RBM20: variants seen among roughly 807,000 people sequenced by gnomAD.
RBM20 encodes RNA-binding protein 20.
RBM20 carries 51 observed loss-of-function variants against 110.1 expected under a neutral mutation model. That is an observed-to-expected ratio of 0.46 (90% CI 0.37 to 0.59). The LOEUF is 0.59. Ranked by LOEUF, RBM20 falls within the 20% of genes least tolerant of loss-of-function variation. RBM20 has a pLI of 0.00. For missense variants in RBM20, 1,512 were observed against 1,574.9 expected (o/e 0.96, Z 0.68); for synonymous variants, 589 against 618.2 (o/e 0.95, Z 0.70).
At chr10:110,688,176 A>C (rs1057121808) in intron 1 of RBM20, among the ~76,000 whole-genome samples, 1 of 152,218 alleles carries the variant, frequency 6.6e-6, no homozygotes, top group African/African-American at 2.4e-5. Context: ...CCTTATCTGC[A>C]GTTTTGAAAT....
intron 1 of RBM20, among the ~76,000 whole-genome samples, chr10:110,775,409 G>A (rs557292414): frequency 6.6e-6 from 1 of 152,160 alleles, no homozygotes; most frequent in African/African-American, 2.4e-5. Context: ...TGTGGTTCTT[G>A]GCTCCTGCTT....
intron 1 of RBM20, among the ~76,000 whole-genome samples, chr10:110,763,244 C>T (rs540518696): frequency 6.6e-5 from 10 of 152,066 alleles, no homozygotes; most frequent in East Asian, 3.9e-4. Context: ...CGTCACACAC[C>T]GGGTCTGAAT....
At position 110,821,291 on chromosome 10, in the gene RBM20, G is replaced by A. The variant is rs1212672627; in HGVS notation, c.2672G>A (p.Ser891Asn). 2.6e-6 allele frequency: 4 copies of A among 1,551,232 alleles called. No homozygotes were observed. The highest frequency in any genetic ancestry group is 2.0e-5 in the Admixed American group (1 of 50,972). The change falls in exon 11 of 14, where the codon AGT becomes AAT. Residue 891 changes from serine to asparagine, a missense_variant. Physicochemically the swap from Ser to Asn is conservative, Grantham distance 46. Coordinates refer to ENST00000369519, the MANE Select transcript of RBM20 (RefSeq NM_001134363.3). ...TRTKKEQDWE[S>N]ESEAEGESWY... Reference sequence around the variant, plus strand: ...TTTGTACAGGAACAAGATTGGGAGAGTGAAAGTGAGGCAGAGGGGGAGAGC... The same window carrying A: ...TTTGTACAGGAACAAGATTGGGAGAATGAAAGTGAGGCAGAGGGGGAGAGC...
At chr10:110,796,330 T>C (rs887593550) in intron 5 of RBM20, among the ~76,000 whole-genome samples, 1 of 152,248 alleles carries the variant, frequency 6.6e-6, no homozygotes, top group African/African-American at 2.4e-5. Context: ...TAGAGACCAG[T>C]ATAATTAATC....
intron 1 of RBM20, among the ~76,000 whole-genome samples, chr10:110,702,362 C>CCAAA (rs201786834): frequency 2.8e-4 from 42 of 152,052 alleles, no homozygotes; most frequent in Admixed American, 1.6e-3. Flanking sequence ...CCCATCTCTA[C>CCAAA]CAAACAAACA....
chr10:110,712,380 G>A (rs891688063), intron 1 of RBM20, among the ~76,000 whole-genome samples: 1 of 152,176 alleles, frequency 6.6e-6, no homozygotes, highest in Non-Finnish European at 1.5e-5. Context: ...AAAATTAAAA[G>A]CTACTGCAAT....
intron 1 of RBM20, among the ~76,000 whole-genome samples, chr10:110,697,931 T>G (rs1053349110): frequency 6.7e-6 from 1 of 150,044 alleles, no homozygotes; most frequent in Non-Finnish European, 1.5e-5. Context: ...TTTTTGAGAC[T>G]GAGTCTCACT....
chr10:110,763,751 C>CCTTTTTTTTTTTTTTTT (rs1554896903), intron 1 of RBM20, among the ~76,000 whole-genome samples: 2 of 64,380 alleles, frequency 3.1e-5, no homozygotes, highest in Non-Finnish European at 2.9e-5. Flanking sequence ...GGCTTCTTGG[C>CCTTTTTTTTTTTTTTTT]TTTTTTTTTT....
intron 1 of RBM20, among the ~76,000 whole-genome samples, chr10:110,696,707 C>A (rs1401020923): frequency 6.6e-6 from 1 of 152,060 alleles, no homozygotes; most frequent in African/African-American, 2.4e-5. Context: ...TGAGTGGCAG[C>A]AGGGTAAAGA....
chr10:110,662,959 GCTTT>G (rs199604281), intron 1 of RBM20, among the ~76,000 whole-genome samples: 2,443 of 151,782 alleles, frequency 0.016, 67 homozygotes, highest in African/African-American at 0.057. Context: ...CTCTCACCCT[GCTTT>G]CTTTCTTTCT....
chr10:110,729,408 C>A lies in RBM20; in HGVS notation c.192-51393C>A, dbSNP rs142600448. On this transcript the variant is annotated intron_variant, in intron 1 of 13. Coordinates refer to ENST00000369519, the MANE Select transcript of RBM20 (RefSeq NM_001134363.3). ...TAAACCTTGCACTTTTTTCAAATCC[C>A]AACAACTTTCCAACTCCAGGTGAGG... is the stretch of plus-strand genomic sequence containing the variant. 2.9e-3 allele frequency among the ~76,000 whole-genome samples: 438 copies of A among 152,276 alleles called. 6 individuals are homozygous for A. The highest frequency in any genetic ancestry group is 9.7e-3 in the African/African-American group (404 of 41,558).
At position 110,837,701 on chromosome 10, in the gene RBM20, G is replaced by A. The variant is rs770927031; in HGVS notation, c.*1723G>A. 2.2e-4 allele frequency: 33 copies of A among 152,344 alleles called. 1 individual carries two copies. The highest frequency in any genetic ancestry group is 5.2e-4 in the Admixed American group (8 of 15,288). The allele number at this position is 152,344 out of a possible 1,614,324, so 9.4% of individuals were successfully genotyped here. A position where few individuals can be genotyped will look rare whatever the true frequency, so the allele number is the denominator to read the frequency against. ...TATCAGGTAACTGAGGCACACAAAG[G>A]GAACAAATGAAGAACATAAAATGAT... On this transcript the variant is annotated 3_prime_UTR_variant, in exon 14 of 14. Coordinates refer to ENST00000369519, the MANE Select transcript of RBM20 (RefSeq NM_001134363.3).
intron 12 of RBM20, among the ~76,000 whole-genome samples, chr10:110,827,068 C>T (rs769066317): frequency 7.2e-5 from 11 of 152,092 alleles, no homozygotes; most frequent in African/African-American, 9.6e-5. Flanking sequence ...CATTGGTCCC[C>T]GAAGGAAGAG....
chr10:110,793,185 C>A (rs1338638809), intron 5 of RBM20, among the ~76,000 whole-genome samples: 1 of 152,204 alleles, frequency 6.6e-6, no homozygotes, highest in East Asian at 1.9e-4. Flanking sequence ...TGCACCTAAT[C>A]AGCGGCTGAG....
intron 1 of RBM20, among the ~76,000 whole-genome samples, chr10:110,698,265 C>T (rs1862698019): frequency 6.6e-6 from 1 of 152,166 alleles, no homozygotes; most frequent in South Asian, 2.1e-4. Context: ...CCTATACTTC[C>T]CAGCATTGCT....
chr10:110,728,849 T>A (rs1178636701), intron 1 of RBM20, among the ~76,000 whole-genome samples: 1 of 152,132 alleles, frequency 6.6e-6, no homozygotes. Context: ...TCTTTCCACC[T>A]CCTCTGCTGA....
intron 1 of RBM20, among the ~76,000 whole-genome samples, chr10:110,657,704 G>A (rs900246265): frequency 2.0e-5 from 3 of 152,116 alleles, no homozygotes; most frequent in Non-Finnish European, 4.4e-5. Context: ...TGGATATAGT[G>A]CAAACTCTTT....
At chr10:110,796,758 A>G (rs1009736932) in intron 5 of RBM20, among the ~76,000 whole-genome samples, 1 of 152,164 alleles carries the variant, frequency 6.6e-6, no homozygotes, top group Non-Finnish European at 1.5e-5. Context: ...GACTTCTTAA[A>G]AAAAATTATT....
upstream of RBM20, among the ~76,000 whole-genome samples, chr10:110,643,383 C>A (rs530810088): frequency 2.6e-4 from 39 of 152,340 alleles, no homozygotes; most frequent in African/African-American, 8.9e-4. Flanking sequence ...CCGAACCTTG[C>A]TTGGTGGCTC....
Sources: allele counts gnomAD v4.1 joint callset (sites outside exome capture counted in the v4.1 genomes callset), GRCh38; gene constraint gnomAD v4.1.1; transcripts MANE v1.5; gene names NCBI Gene and HGNC (gene_info 2026-07-23, HGNC 2026-07-21).